The following KRT86 variants were observed in gnomAD, a reference collection of about 807,000 sequenced individuals.
KRT86 encodes the protein keratin, type II cuticular Hb6.
In KRT86, 30 loss-of-function variants were observed where a neutral mutation model predicts 41.2. That is an observed-to-expected ratio of 0.73 (90% confidence interval 0.54 to 0.99). The LOEUF (loss-of-function observed/expected upper bound fraction) is 0.99. Ranked by LOEUF, KRT86 falls within the 50% of genes least tolerant of loss-of-function variation. KRT86 has a pLI of 0.00. For missense variants in KRT86, 561 were observed against 571.4 expected, an observed-to-expected ratio of 0.98 and a Z score of 0.19; for synonymous variants, 238 against 238.1, an observed-to-expected ratio of 1.00 and a Z score of 0.00.
rs113097323 is a variant in KRT86 at position 52,286,998 on chromosome 12, A to AT, written c.-5+11059dup. 3.2e-4 allele frequency: 517 copies of AT among 1,597,268 alleles called. 2 individuals carry two copies. The African/African-American group carries it at 5.9e-3, about 18-fold the overall frequency. On this transcript the variant is annotated intron_variant, in intron 2 of 10. Transcript: ENST00000423955. ...CCCCACACCGGAAGTGAATAATAAT[A>AT]TTTTTTTCCCCCAGAGCCCTGGCCA... is the stretch of plus-strand genomic sequence containing the variant.
At chr12:52,291,418 C>T (rs149101320) in intron 2 of KRT86, 8 of 1,611,882 alleles carry the variant, frequency 5.0e-6, no homozygotes, top group South Asian at 1.1e-5. Context: ...GCCCGCAGGC[C>T]GAGATGCAGC....
chr12:52,294,326 C>T lies in KRT86; in HGVS notation c.-4-7587C>T, dbSNP rs1490393308. Among the ~76,000 whole-genome samples the T allele has an allele frequency of 2.6e-5, 4 of 152,184 alleles. No homozygotes were observed. The East Asian group carries it at 7.7e-4, about 29-fold the overall frequency. Reference sequence around the variant, plus strand: ...ACAAGCTAATTACTAATGGCTGGTCCTTACTAAGCAATTTTAAAGATGTAA... The same window carrying T: ...ACAAGCTAATTACTAATGGCTGGTCTTTACTAAGCAATTTTAAAGATGTAA... On this transcript the variant is annotated intron_variant, in intron 2 of 10. Transcript: ENST00000423955.
chr12:52,300,966 A>C (rs61914256), intron 2 of KRT86, among the ~76,000 whole-genome samples: 2,020 of 152,214 alleles, frequency 0.013, 24 homozygotes, highest in Non-Finnish European at 0.02. Flanking sequence ...CTGAGGCCGC[A>C]TGGGACACTC....
chr12:52,284,344 G>A lies in KRT86; in HGVS notation c.-5+8398G>A, dbSNP rs112738763. 2.5e-3 allele frequency among the ~76,000 whole-genome samples: 384 copies of A among 152,270 alleles called. 2 individuals are homozygous for A. Among genetic ancestry groups the A allele is most frequent in the African/African-American group, 8.3e-3 (343 of 41,550 alleles). On this transcript the variant is annotated intron_variant, in intron 2 of 10. Coordinates refer to ENST00000423955, the MANE Select transcript of KRT86 (RefSeq NM_001320198.2). ...AGCTGGGACTATAGGTGCACACCAC[G>A]TCGCCCAGCTAATATTTTTATATTT...
intron 2 of KRT86, among the ~76,000 whole-genome samples, chr12:52,280,916 T>A (rs139613677): frequency 2.2e-3 from 336 of 152,328 alleles, no homozygotes; most frequent in African/African-American, 7.9e-3. Context: ...ATGTACATTC[T>A]GCAACCTGCG....
At position 52,305,388 on chromosome 12, in the gene KRT86, C is replaced by G. The variant is rs780655613; in HGVS notation, c.884C>G (p.Ser295Cys). ...IVTRSRAEAE[S>C]WYRSKCEEMK... ...ACCCGTAGCCGGGCTGAGGCCGAGT[C>G]CTGGTACCGCAGCAAGGTGAGTGGC... The change falls in exon 7 of 11, where the codon TCC becomes TGC. Residue 295 changes from serine (S) to cysteine (C), a missense_variant. Ser to Cys is a moderately radical substitution (Grantham distance 112, BLOSUM62 -1). Transcript: ENST00000423955. The G allele has an allele frequency of 4.3e-6, 7 of 1,614,130 alleles. No individual in the cohort carries two copies. The highest frequency in any genetic ancestry group is 5.9e-6 in the Non-Finnish European group (7 of 1,180,058).
chr12:52,293,424 T>C (rs1001996880), intron 2 of KRT86, among the ~76,000 whole-genome samples: 2 of 152,170 alleles, frequency 1.3e-5, no homozygotes, highest in African/African-American at 4.8e-5. Flanking sequence ...ACCCCTTGAC[T>C]TCCTAATCTT....
At chr12:52,283,506 C>T (rs1182393123) in intron 2 of KRT86, among the ~76,000 whole-genome samples, 3 of 111,058 alleles carry the variant, frequency 2.7e-5, no homozygotes, top group African/African-American at 6.9e-5. Flanking sequence ...GAGACAGAGT[C>T]TCGCTCTTGT....
In KRT86 at chr12:52,305,046, G is replaced by A; in HGVS notation, c.735+19G>A. 2 of 1,613,582 alleles carry A rather than the reference G, an allele frequency of 1.2e-6. No homozygotes were observed. Among genetic ancestry groups the A allele is most frequent in the Non-Finnish European group, 1.7e-6 (2 of 1,179,884 alleles). ...TGAGGAGGTGCGGGCTCAGGGGCCA[G>A]GCAGAGACCTGGCAGCCAGCAGAGA... On this transcript the variant is annotated intron_variant, in intron 6 of 10. Coordinates refer to ENST00000423955, the MANE Select transcript of KRT86 (RefSeq NM_001320198.2).
In KRT86 at chr12:52,283,409, A is replaced by AT. The variant is rs1329535240; in HGVS notation, c.-5+7463_-5+7464insT. 6.9e-4 allele frequency among the ~76,000 whole-genome samples: 100 copies of AT among 145,086 alleles called. 1 individual carries two copies. Among genetic ancestry groups the AT allele is most frequent in the Middle Eastern group, 3.6e-3 (1 of 276 alleles). Reference sequence around the variant, plus strand: ...CTGTCTCACAAAAAAAAAAAAAAAAAAAAAAAAGAATAATAGAGCTTTAAA... The same window carrying AT: ...CTGTCTCACAAAAAAAAAAAAAAAAATAAAAAAAGAATAATAGAGCTTTAAA... On this transcript the variant is annotated intron_variant, in intron 2 of 10. Transcript: ENST00000423955.
At chr12:52,283,222 C>T (rs967965034) in intron 2 of KRT86, among the ~76,000 whole-genome samples, 7 of 142,342 alleles carry the variant, frequency 4.9e-5, no homozygotes, top group Non-Finnish European at 9.1e-5. Flanking sequence ...GGTGAAACCC[C>T]GTCAGTACTA....
Position 52,276,199 on chromosome 12 carries a change from T to C in KRT86, c.-5+253T>C, listed in dbSNP as rs551172033. On this transcript the variant is annotated intron_variant, in intron 2 of 10. Transcript: ENST00000423955. ...ATATATGCTTGTTTGTACATTATTA[T>C]CTTTTTACTTGTGTATGTTCATTTT... Among the ~76,000 whole-genome samples the C allele has an allele frequency of 2.0e-5, 3 of 152,368 alleles. No individual in the cohort carries two copies. The South Asian group carries it at 6.2e-4, about 32-fold the overall frequency.
intron 2 of KRT86, chr12:52,286,254 C>T (rs1215064141): frequency 6.4e-7 from 1 of 1,553,406 alleles, no homozygotes; most frequent in South Asian, 1.2e-5. Context: ...AGTTGGGGTG[C>T]CTAACATTTC....
chr12:52,285,858 C>T (rs1181945112), intron 2 of KRT86: 1 of 264,128 alleles, frequency 3.8e-6, no homozygotes, highest in Admixed American at 5.0e-5. Context: ...ACTTTGGGGA[C>T]CCTCCCTAAC....
At chr12:52,284,551 A>G (rs1937866547) in intron 2 of KRT86, among the ~76,000 whole-genome samples, 1 of 152,210 alleles carries the variant, frequency 6.6e-6, no homozygotes, top group Non-Finnish European at 1.5e-5. Context: ...ATGATTGATC[A>G]CAAATTCTGG....
intron 2 of KRT86, among the ~76,000 whole-genome samples, chr12:52,299,712 A>G (rs752542387): frequency 2.6e-5 from 4 of 152,252 alleles, no homozygotes; most frequent in Non-Finnish European, 5.9e-5. Flanking sequence ...AGCATTTTCA[A>G]TATACCTGTT....
intron 2 of KRT86, chr12:52,286,192 T>C: frequency 7.2e-7 from 1 of 1,383,270 alleles, no homozygotes; most frequent in South Asian, 1.2e-5. Flanking sequence ...GCGCCTGGAC[T>C]GGATGGGCCA....
At chr12:52,285,660 G>T (rs1302285566) in intron 2 of KRT86, among the ~76,000 whole-genome samples, 1 of 152,198 alleles carries the variant, frequency 6.6e-6, no homozygotes, top group Non-Finnish European at 1.5e-5. Context: ...GGGTGACCCT[G>T]CCCCAATTAT....
At position 52,305,383 on chromosome 12, in the gene KRT86, C is replaced by G; in HGVS notation, c.879C>G (p.Ala293=). 6.2e-7 allele frequency: 1 copy of G among 1,614,220 alleles called. No homozygotes were observed. Among genetic ancestry groups the G allele is most frequent in the Non-Finnish European group, 8.5e-7 (1 of 1,180,046 alleles). ...DDIVTRSRAE[A]ESWYRSKCEE... is the part of the protein sequence containing the mutation. ...TTGTCACCCGTAGCCGGGCTGAGGC[C>G]GAGTCCTGGTACCGCAGCAAGGTGA... The change falls in exon 7 of 11, where the codon GCC becomes GCG. Residue 293 remains alanine, a synonymous_variant. Coordinates refer to ENST00000423955, the MANE Select transcript of KRT86 (RefSeq NM_001320198.2).
Sources: allele counts gnomAD v4.1 joint callset (sites outside exome capture counted in the v4.1 genomes callset), GRCh38; gene constraint gnomAD v4.1.1; transcripts MANE v1.5; gene names NCBI Gene and HGNC (gene_info 2026-07-23, HGNC 2026-07-21).